PLCB1: variants seen among roughly 807,000 people sequenced by gnomAD.
PLCB1 encodes the protein phospholipase C beta 1.
A neutral mutation model predicts 161.8 loss-of-function variants in PLCB1; 46 were observed. The observed-to-expected ratio is 0.28, with a 90% CI of 0.22 to 0.36. The LOEUF is 0.36. Among genes scored for constraint, PLCB1 ranks in the 10% least tolerant of loss-of-function variants. The probability of loss-of-function intolerance (pLI) is 1.00; values close to 1 mark genes in which losing one functional copy is unlikely to be tolerated. For missense variants in PLCB1, 1,016 were observed against 1,472.5 expected (o/e 0.69, Z 5.07); for synonymous variants, 517 against 503.7 (o/e 1.03, Z -0.35).
intron 4 of PLCB1, among the ~76,000 whole-genome samples, chr20:8,644,793 C>G (rs1255387895): frequency 6.6e-6 from 1 of 151,756 alleles, no homozygotes; most frequent in African/African-American, 2.4e-5. Flanking sequence ...AGTGAGGGGC[C>G]CCTCTGCTCG....
At chr20:8,479,134 A>AT (rs1441283151) in intron 3 of PLCB1, among the ~76,000 whole-genome samples, 3 of 152,138 alleles carry the variant, frequency 2.0e-5, no homozygotes, top group Non-Finnish European at 4.4e-5. Flanking sequence ...TATTTGTTTA[A>AT]TGTCTTATTT....
intron 31 of PLCB1, among the ~76,000 whole-genome samples, chr20:8,874,748 T>C (rs1987719841): frequency 6.6e-6 from 1 of 152,076 alleles, no homozygotes; most frequent in South Asian, 2.1e-4. Context: ...TATTTTTTGG[T>C]TGCTTTGCCT....
intron 3 of PLCB1, among the ~76,000 whole-genome samples, chr20:8,413,117 C>G (rs1027921381): frequency 3.3e-5 from 5 of 152,174 alleles, no homozygotes; most frequent in African/African-American, 1.2e-4. Context: ...GTTTTCATAG[C>G]TACCACCTTG....
At chr20:8,685,578 A>AAG (rs1169889121) in intron 10 of PLCB1, among the ~76,000 whole-genome samples, 4 of 150,770 alleles carry the variant, frequency 2.7e-5, no homozygotes, top group Non-Finnish European at 4.4e-5. Context: ...TACAAAAAAA[A>AAG]AAAAAAAAAT....
intron 2 of PLCB1, among the ~76,000 whole-genome samples, chr20:8,306,123 AG>A (rs1984125220): frequency 2.6e-5 from 4 of 152,228 alleles, no homozygotes; most frequent in Non-Finnish European, 5.9e-5. Context: ...ACACTCTCAG[AG>A]GATGTTTAGC....
chr20:8,289,409 G>C (rs1019849043), intron 2 of PLCB1, among the ~76,000 whole-genome samples: 3 of 152,132 alleles, frequency 2.0e-5, no homozygotes, highest in African/African-American at 7.2e-5. Flanking sequence ...AGCTGATGCT[G>C]CTGGTCTCCA....
intron 3 of PLCB1, among the ~76,000 whole-genome samples, chr20:8,608,945 A>C (rs1168508880): frequency 6.6e-6 from 1 of 152,176 alleles, no homozygotes; most frequent in Non-Finnish European, 1.5e-5. Context: ...AAATGTATTG[A>C]GATGTATAAA....
intron 9 of PLCB1, among the ~76,000 whole-genome samples, chr20:8,678,979 T>C (rs185384642): frequency 6.6e-5 from 10 of 152,314 alleles, no homozygotes; most frequent in Non-Finnish European, 1.5e-4. Context: ...AATAGAAACC[T>C]GAACTGATCA....
At chr20:8,448,735 G>A (rs1473538019) in intron 3 of PLCB1, among the ~76,000 whole-genome samples, 1 of 152,150 alleles carries the variant, frequency 6.6e-6, no homozygotes, top group Non-Finnish European at 1.5e-5. Context: ...TTTTAGCTTT[G>A]GAACTGCATT....
At chr20:8,774,491 C>T (rs1452537005) in intron 26 of PLCB1, 48 bp from the exon 27 acceptor site, 2 of 1,508,236 alleles carry the variant, frequency 1.3e-6, no homozygotes, top group African/African-American at 2.8e-5. Flanking sequence ...TTCCCTCCAC[C>T]TTGTTATGGC....
At chr20:8,335,414 C>T (rs1985535385) in intron 2 of PLCB1, among the ~76,000 whole-genome samples, 1 of 152,174 alleles carries the variant, frequency 6.6e-6, no homozygotes. Flanking sequence ...GTCCTAGACA[C>T]CTCCCTCTAA....
intron 31 of PLCB1, among the ~76,000 whole-genome samples, chr20:8,839,360 C>T (rs189418313): frequency 3.0e-4 from 45 of 152,266 alleles, no homozygotes; most frequent in Non-Finnish European, 5.0e-4. Context: ...GGGTGTGTTA[C>T]TCCCACTCAT....
rs115237283 is a variant in PLCB1, at chr20:8,653,791, G to T, written c.595-3393G>T. Among the ~76,000 whole-genome samples the T allele has an allele frequency of 5.5e-3, 838 of 152,014 alleles. 9 individuals carry two copies. The highest frequency in any genetic ancestry group is 0.019 in the African/African-American group (772 of 41,476). On this transcript the variant is annotated intron_variant, in intron 7 of 31. Coordinates refer to ENST00000338037, the MANE Select transcript of PLCB1 (RefSeq NM_015192.4). ...TTAGTGTACTGGTTTACAGTATAAG[G>T]TATAGAATTAAGCAACTCAGATTCA... is the stretch of plus-strand genomic sequence containing the variant.
At chr20:8,149,191 A>T (rs1244188938) in intron 1 of PLCB1, among the ~76,000 whole-genome samples, 2 of 152,196 alleles carry the variant, frequency 1.3e-5, no homozygotes, top group East Asian at 1.9e-4. Flanking sequence ...TGTGGCAAAC[A>T]TGCCCAGATG....
intron 31 of PLCB1, among the ~76,000 whole-genome samples, chr20:8,841,364 G>A (rs955064835): frequency 3.5e-4 from 53 of 152,046 alleles, no homozygotes; most frequent in African/African-American, 2.4e-5. Context: ...TTTAGTTGTG[G>A]CCATATTTTA....
intron 3 of PLCB1, among the ~76,000 whole-genome samples, chr20:8,619,422 A>C (rs1317405960): frequency 1.3e-5 from 2 of 149,776 alleles, no homozygotes; most frequent in Non-Finnish European, 2.9e-5. Context: ...CTGTCTAAAA[A>C]GAAAAAAAAA....
chr20:8,633,650 T>C (rs1988672383), intron 4 of PLCB1, among the ~76,000 whole-genome samples: 1 of 152,112 alleles, frequency 6.6e-6, no homozygotes, highest in Non-Finnish European at 1.5e-5. Context: ...AGCCAGATTA[T>C]TTAATGTTTT....
intron 2 of PLCB1, among the ~76,000 whole-genome samples, chr20:8,287,667 C>G (rs1983186263): frequency 6.6e-6 from 1 of 152,190 alleles, no homozygotes; most frequent in African/African-American, 2.4e-5. Flanking sequence ...AAAGAATCAG[C>G]ATGGACCCTC....
chr20:8,697,602 G>T (rs760828631), intron 10 of PLCB1, 24 bp from the exon 11 acceptor site: 4 of 1,613,108 alleles, frequency 2.5e-6, no homozygotes, highest in South Asian at 2.2e-5. Flanking sequence ...GGAATCTGGG[G>T]TTTGTTTTGT....
Sources: allele counts gnomAD v4.1 joint callset (sites outside exome capture counted in the v4.1 genomes callset), GRCh38; gene constraint gnomAD v4.1.1; transcripts MANE v1.5; gene names NCBI Gene and HGNC (gene_info 2026-07-23, HGNC 2026-07-21).